The following FCRL5 variants were observed in gnomAD, a reference collection of about 807,000 sequenced individuals.
FCRL5 encodes Fc receptor-like protein 5.
Under a neutral mutation model 92.1 loss-of-function variants are expected in FCRL5, and 79 were observed. That is an observed-to-expected ratio of 0.86 (90% CI 0.72 to 1.03). The LOEUF (loss-of-function observed/expected upper bound fraction) is 1.03. Among genes scored for constraint, FCRL5 ranks in the 50% least tolerant of loss-of-function variants. FCRL5 has a pLI of 0.00. For synonymous variants in FCRL5, 466 were observed against 469.3 expected (o/e 0.99, Z 0.09); for missense variants, 1,160 against 1,181.1 (o/e 0.98, Z 0.26).
intron 7 of FCRL5, 106 bp downstream of exon 7, chr1:157,538,980 A>C: frequency 1.6e-6 from 2 of 1,273,402 alleles, no homozygotes; most frequent in African/African-American, 1.5e-5. Flanking sequence ...AGGTTGTTTC[A>C]AGAAAGAAAC....
chr1:157,516,283 G>A (rs1649930322), intron 15 of FCRL5, among the ~76,000 whole-genome samples: 1 of 152,358 alleles, frequency 6.6e-6, no homozygotes, highest in Admixed American at 6.5e-5. Context: ...CACCTCCGTG[G>A]TTGGGGGAAG....
rs746115576 is a variant in FCRL5, at chr1:157,542,973, T to C, written c.1009A>G (p.Arg337Gly). Residue 337 changes from arginine to glycine, a missense_variant, in exon 6 of 17, where the codon AGG becomes GGG. Transcript: ENST00000361835. ...AGTGAGAAGCTGATGGATGCTCCCC[T>C]TTCACAGCGGACTGACTTGTGCCTC... ...PLRHKSVRCE[R>G]GASISFSLTT... The C allele has an allele frequency of 1.9e-6, 3 of 1,614,212 alleles. No individual in the cohort carries two copies. The highest frequency in any genetic ancestry group is 2.5e-6 in the Non-Finnish European group (3 of 1,180,024).
rs1649830975 is a variant in FCRL5 at position 157,514,288 on chromosome 1, G to A, written c.*1387C>T. On this transcript the variant is annotated 3_prime_UTR_variant, in exon 17 of 17. Transcript: ENST00000361835. ...AGAACATCCCATTGCTCAGAGATGG[G>A]AGAACAACTCTGAATGGAGAGGGCT... 6.6e-6 allele frequency: 1 copy of A among 152,276 alleles called. No homozygotes were observed. The highest frequency in any genetic ancestry group is 2.4e-5 in the African/African-American group (1 of 41,460). The allele number at this position is 152,276 out of a possible 1,614,324, so 9.4% of individuals were successfully genotyped here.
In FCRL5 at chr1:157,524,383, G is replaced by T. The variant is rs1465777616; in HGVS notation, c.2135C>A (p.Ser712Tyr). Reference sequence around the variant, plus strand: ...TTCTGTAGTCAGAGAGAGGTTGAAGGAGGCCCCTCCTCCAGAGGGGGCTGA... The same window carrying T: ...TTCTGTAGTCAGAGAGAGGTTGAAGTAGGCCCCTCCTCCAGAGGGGGCTGA... ...KISAPSGGGA[S>Y]FNLSLTTEHS... The change falls in exon 10 of 17, where the codon TCC becomes TAC. Residue 712 changes from serine (S) to tyrosine (Y), a missense_variant. By Grantham distance (144) the Ser-to-Tyr change is moderately radical (BLOSUM62 -2). Coordinates refer to ENST00000361835, the MANE Select transcript of FCRL5 (RefSeq NM_031281.3). The T allele has an allele frequency of 6.2e-7, 1 of 1,614,092 alleles. No individual in the cohort carries two copies. Among genetic ancestry groups the T allele is most frequent in the Non-Finnish European group, 8.5e-7 (1 of 1,180,004 alleles).
chr1:157,549,813 C>A (rs761360012), intron 1 of FCRL5, among the ~76,000 whole-genome samples: 14 of 151,750 alleles, frequency 9.2e-5, no homozygotes, highest in Non-Finnish European at 1.9e-4. Flanking sequence ...TGGTATCTGC[C>A]ATCAAGAAGT....
rs1649811398 is a variant in FCRL5, at chr1:157,513,818, C to T, written c.*1857G>A. On this transcript the variant is annotated 3_prime_UTR_variant, in exon 17 of 17. Coordinates refer to ENST00000361835, the MANE Select transcript of FCRL5 (RefSeq NM_031281.3). ...GCGTGAGCTTTGTTGGTGATGTGAC[C>T]TCCAGAACAGACTGTGAGCAGATTT... The T allele has an allele frequency of 6.6e-6, 1 of 152,214 alleles. No homozygotes were observed. The highest frequency in any genetic ancestry group is 2.4e-5 in the African/African-American group (1 of 41,444). 9.4% of individuals were successfully genotyped at this position (152,214 alleles called of 1,614,324 possible).
intron 8 of FCRL5, chr1:157,533,155 C>T (rs1490472903): frequency 6.6e-6 from 1 of 152,116 alleles, no homozygotes; most frequent in Non-Finnish European, 1.5e-5. Context: ...TCAATAACGT[C>T]ATCAACATAT....
Position 157,527,747 on chromosome 1 carries a change from G to A in FCRL5, c.1830C>T (p.Ser610=). Residue 610 remains serine (S), a synonymous_variant, in exon 9 of 17, where the codon AGC becomes AGT. Coordinates refer to ENST00000361835, the MANE Select transcript of FCRL5 (RefSeq NM_031281.3). ...FYHEDVTLGS[S]SAPSGGEASF... ...AAGCTTCTCCTCCAGAGGGGGCTGA[G>A]CTGCTCCCCAGGGTGACATCCTCAT... The A allele has an allele frequency of 3.1e-6, 5 of 1,614,196 alleles. No individual in the cohort carries two copies. Among genetic ancestry groups the A allele is most frequent in the Non-Finnish European group, 4.2e-6 (5 of 1,180,026 alleles).
intron 3 of FCRL5, chr1:157,546,303 C>T (rs1403472688): frequency 1.6e-5 from 7 of 446,568 alleles, no homozygotes; most frequent in African/African-American, 1.0e-4. Context: ...CAAAAATTAG[C>T]CAGGTGTGAT....
intron 7 of FCRL5, among the ~76,000 whole-genome samples, chr1:157,536,425 G>T (rs1650972913): frequency 6.6e-6 from 1 of 152,174 alleles, no homozygotes; most frequent in Non-Finnish European, 1.5e-5. Context: ...ACTAGACTGG[G>T]GGTTCTGTCC....
rs1207189364 is a variant in FCRL5 at position 157,546,256 on chromosome 1, T to C, written c.307+687A>G. On this transcript the variant is annotated intron_variant, in intron 3 of 16. Transcript: ENST00000361835. ...TGAGCCCAGGAGTTCAACATTAGCC[T>C]GGGCAGCATGAGGAAATCCCATCTC... The C allele has an allele frequency of 6.6e-6, 3 of 454,264 alleles. No individual in the cohort carries two copies. The Admixed American group carries it at 7.1e-5, about 11-fold the overall frequency. 28.1% of individuals were successfully genotyped at this position (454,264 alleles called of 1,614,324 possible). A position where few individuals can be genotyped will look rare whatever the true frequency, so the allele number is the denominator to read the frequency against.
Position 157,539,107 on chromosome 1 carries a change from C to A in FCRL5, c.1381G>T (p.Ala461Ser), listed in dbSNP as rs770402489. 1 of 1,613,852 alleles carries A rather than the reference C, an allele frequency of 6.2e-7. No homozygotes were observed. Among genetic ancestry groups the A allele is most frequent in the South Asian group, 1.1e-5 (1 of 91,036 alleles). Residue 461 changes from alanine (A) to serine (S), a missense_variant, in exon 7 of 17, where the codon GCG becomes TCG. Transcript: ENST00000361835. ...TTACCAGTGACGGAGAGGCTCACCGCCTTACTGCGCTGGGGGCCAAAGCCA... is the reference window on the plus strand; with the variant it reads ...TTACCAGTGACGGAGAGGCTCACCGACTTACTGCGCTGGGGGCCAAAGCCA... Reference protein sequence around the residue: ...DNGFGPQRSKAVSLSVTVPVS... With the variant: ...DNGFGPQRSKSVSLSVTVPVS...
At chr1:157,540,680 G>A (rs1651220111) in intron 6 of FCRL5, among the ~76,000 whole-genome samples, 1 of 152,074 alleles carries the variant, frequency 6.6e-6, no homozygotes, top group African/African-American at 2.4e-5. Flanking sequence ...TCATATGCAT[G>A]TTTTGTCCAT....
rs751215968 is a variant in FCRL5, at chr1:157,552,327, C to G, written c.31+5G>C. On this transcript the variant is annotated splice_donor_5th_base_variant and intron_variant, in intron 1 of 16. Transcript: ENST00000361835. ...CCAGGGCCCATGGTGAGCCCTTTTA[C>G]TCACCCAGGACCAGTAATATCACCC... 4 of 1,614,006 alleles carry G rather than the reference C, an allele frequency of 2.5e-6. No individual in the cohort carries two copies. Among genetic ancestry groups the G allele is most frequent in the Non-Finnish European group, 3.4e-6 (4 of 1,179,930 alleles).
chr1:157,520,607 C>G (rs1019788275), intron 11 of FCRL5, 60 bp from the exon 12 acceptor site: 1 of 1,341,020 alleles, frequency 7.5e-7, no homozygotes, highest in Admixed American at 2.1e-5. Flanking sequence ...ACTGCCCGCT[C>G]CCGGAAGCTG....
chr1:157,514,311 G>A lies in FCRL5; in HGVS notation c.*1364C>T, dbSNP rs532137950. The A allele has an allele frequency of 6.6e-6, 1 of 152,254 alleles. No homozygotes were observed. Among genetic ancestry groups the A allele is most frequent in the Non-Finnish European group, 1.5e-5 (1 of 68,048 alleles). 9.4% of individuals were successfully genotyped at this position (152,254 alleles called of 1,614,324 possible). On this transcript the variant is annotated 3_prime_UTR_variant, in exon 17 of 17. Transcript: ENST00000361835. ...GGGAGAACAACTCTGAATGGAGAGG[G>A]CTCAGGTTATATACATTCACCCTTT...
chr1:157,519,722 G>C, intron 13 of FCRL5, 21 bp downstream of exon 13: 2 of 1,612,832 alleles, frequency 1.2e-6, no homozygotes, highest in Non-Finnish European at 1.7e-6. Context: ...TAATCACACA[G>C]GAATGCAGCT....
In FCRL5 at chr1:157,543,096, C is replaced by G. The variant is rs774176176; in HGVS notation, c.886G>C (p.Ala296Pro). 4 of 1,614,160 alleles carry G rather than the reference C, an allele frequency of 2.5e-6. No homozygotes were observed. Among genetic ancestry groups the G allele is most frequent in the Non-Finnish European group, 2.5e-6 (3 of 1,180,014 alleles). Residue 296 changes from alanine to proline, a missense_variant, in exon 6 of 17, where the codon GCT becomes CCT. Physicochemically the swap from Ala to Pro is conservative, Grantham distance 27 (BLOSUM62 -1). Transcript: ENST00000361835. ...HPVLTLSPEK[A>P]LNFEGTKVTL... ...ACCTTGGTTCCCTCAAAATTCAGAG[C>G]CTTTTCAGGGCTGAGAGTGAGGACA...
chr1:157,531,918 A>AT (rs1650711431), intron 8 of FCRL5: 1 of 152,094 alleles, frequency 6.6e-6, no homozygotes, highest in Non-Finnish European at 1.5e-5. Context: ...ATTGGTGATG[A>AT]TGGTTAATGG....
Sources: gnomAD v4.1 joint callset for allele counts (sites outside exome capture counted in the v4.1 genomes callset) on GRCh38, gnomAD v4.1.1 for gene constraint, MANE v1.5 for transcripts, NCBI Gene and HGNC (gene_info 2026-07-23, HGNC 2026-07-21) for gene names.